Variants in GRIK2 observed in about 807,000 individuals in gnomAD.
GRIK2 encodes glutamate ionotropic receptor kainate type subunit 2, also known as glutamate receptor ionotropic, kainate 2.
GRIK2 carries 32 observed loss-of-function variants against 100.3 expected under a neutral mutation model. That is an observed-to-expected ratio of 0.32 (90% CI 0.24 to 0.43). GRIK2 has a LOEUF of 0.43. GRIK2 is among the 20% of genes least tolerant of loss of function. The pLI, the probability that GRIK2 is intolerant of heterozygous loss-of-function variation, is 1.00. For missense variants in GRIK2, 843 were observed against 1,114.9 expected (o/e 0.76, Z 3.47); for synonymous variants, 417 against 389.4 (o/e 1.07, Z -0.83).
At chr6:102,005,010 T>TAATA (rs935290167) in intron 14 of GRIK2, among the ~76,000 whole-genome samples, 13 of 151,972 alleles carry the variant, frequency 8.6e-5, no homozygotes, top group African/African-American at 3.1e-4. Flanking sequence ...CTATATTTAT[T>TAATA]AATACTCTTG....
chr6:101,912,369 A>G lies in GRIK2; in HGVS notation c.1749-12232A>G, dbSNP rs545082817. Among the ~76,000 whole-genome samples the G allele has an allele frequency of 4.6e-5, 7 of 151,614 alleles. 1 individual carries two copies. The highest frequency in any genetic ancestry group is 4.1e-4 in the South Asian group (2 of 4,824). On this transcript the variant is annotated intron_variant, in intron 12 of 16. Coordinates refer to ENST00000369134, the MANE Select transcript of GRIK2 (RefSeq NM_021956.5). ...TTTTAGCTCCCACTACTTAGCATTAATAAGTGTGAAAGGGATTCCCAGTCT... is the reference window on the plus strand; with the variant it reads ...TTTTAGCTCCCACTACTTAGCATTAGTAAGTGTGAAAGGGATTCCCAGTCT...
intron 7 of GRIK2, among the ~76,000 whole-genome samples, chr6:101,735,054 G>T (rs939541629): frequency 6.6e-6 from 1 of 152,150 alleles, no homozygotes; most frequent in Non-Finnish European, 1.5e-5. Context: ...TATTTGTAGT[G>T]TGTGATTTAC....
chr6:102,064,709 T>C (rs1771931126), intron 16 of GRIK2, among the ~76,000 whole-genome samples: 1 of 151,196 alleles, frequency 6.6e-6, no homozygotes, highest in African/African-American at 2.4e-5. Flanking sequence ...AGGGAAACAA[T>C]TATATTTCAC....
rs565803735 is a variant in GRIK2, at chr6:102,023,982, G to A, written c.2086-11359G>A. Among the ~76,000 whole-genome samples the A allele has an allele frequency of 2.6e-5, 4 of 151,210 alleles. No homozygotes were observed. In the South Asian group the frequency reaches 8.3e-4, roughly 32 times the overall value. On this transcript the variant is annotated intron_variant, in intron 14 of 16. Transcript: ENST00000369134. ...TCCAGTGGGATTGGAAAATATTACC[G>A]GTAAAGAAACTGAATAAACAAAGTG...
At chr6:101,794,229 A>G (rs1027507244) in intron 7 of GRIK2, among the ~76,000 whole-genome samples, 2 of 152,080 alleles carry the variant, frequency 1.3e-5, no homozygotes, top group African/African-American at 4.8e-5. Flanking sequence ...TTCTGTGCCC[A>G]CTGTCTGGCA....
In GRIK2 at chr6:101,760,440, AT is replaced by A. The variant is rs1432024769; in HGVS notation, c.952-39205del. On this transcript the variant is annotated intron_variant, in intron 7 of 16. Transcript: ENST00000369134. ...TATAATTAATTATATTTAATTATAT[AT>A]TTATTATATATAATTAATTATATTT... Among the ~76,000 whole-genome samples the A allele has an allele frequency of 1.9e-3, 20 of 10,740 alleles. 1 individual carries two copies. Among genetic ancestry groups the A allele is most frequent in the African/African-American group, 0.012 (17 of 1,390 alleles). 7.0% of individuals were successfully genotyped at this position (10,740 alleles called of 152,430 possible). A position where few individuals can be genotyped will look rare whatever the true frequency, so the allele number is the denominator to read the frequency against.
At chr6:101,509,066 G>T (rs1228803660) in intron 2 of GRIK2, among the ~76,000 whole-genome samples, 1 of 150,624 alleles carries the variant, frequency 6.6e-6, no homozygotes, top group Admixed American at 6.7e-5. Context: ...GCTGAGTCAG[G>T]AGAATGGCGT....
intron 7 of GRIK2, among the ~76,000 whole-genome samples, chr6:101,769,201 GA>G (rs890091113): frequency 2.0e-5 from 3 of 151,676 alleles, no homozygotes; most frequent in Admixed American, 6.6e-5. Flanking sequence ...GTTTTCCTTG[GA>G]AAAAAAAGTA....
chr6:101,907,401 AG>A (rs1788305653), intron 12 of GRIK2, among the ~76,000 whole-genome samples: 1 of 146,946 alleles, frequency 6.8e-6, no homozygotes, highest in Non-Finnish European at 1.5e-5. Context: ...GAAAAAAAAA[AG>A]CTGAGCATAT....
At chr6:101,587,727 G>A (rs1251882106) in intron 2 of GRIK2, among the ~76,000 whole-genome samples, 1 of 152,226 alleles carries the variant, frequency 6.6e-6, no homozygotes, top group South Asian at 2.1e-4. Flanking sequence ...TCTTCAAACT[G>A]CTGAGAAGAG....
intron 14 of GRIK2, among the ~76,000 whole-genome samples, chr6:102,034,729 A>G (rs1438244747): frequency 1.3e-5 from 2 of 151,452 alleles, no homozygotes; most frequent in Admixed American, 1.3e-4. Context: ...GTCCAGCTTA[A>G]AGAAGTACTG....
chr6:101,986,678 G>GTAT (rs1256337612), intron 14 of GRIK2, among the ~76,000 whole-genome samples: 3 of 151,842 alleles, frequency 2.0e-5, no homozygotes, highest in African/African-American at 7.2e-5. Context: ...CTGTGGAAGA[G>GTAT]TATTATGTCT....
intron 10 of GRIK2, among the ~76,000 whole-genome samples, chr6:101,821,222 T>G (rs1781929580): frequency 1.3e-5 from 2 of 152,168 alleles, no homozygotes; most frequent in Admixed American, 1.3e-4. Flanking sequence ...CTTGCTTCAG[T>G]ATTCAGTGTT....
chr6:101,991,481 GT>G (rs1794375486), intron 14 of GRIK2, among the ~76,000 whole-genome samples: 1 of 150,398 alleles, frequency 6.6e-6, no homozygotes, highest in East Asian at 2.0e-4. Flanking sequence ...AGAAGTGTTT[GT>G]TGTATAGCTT....
intron 7 of GRIK2, among the ~76,000 whole-genome samples, chr6:101,762,168 G>GTCTCTGTC (rs765235888): frequency 2.7e-4 from 33 of 121,836 alleles, no homozygotes; most frequent in African/African-American, 1.0e-3. Context: ...CTCTGTCTCT[G>GTCTCTGTC]TCTCTCTCTC....
At chr6:101,974,684 G>A (rs1793260680) in intron 14 of GRIK2, among the ~76,000 whole-genome samples, 1 of 151,824 alleles carries the variant, frequency 6.6e-6, no homozygotes, top group African/African-American at 2.4e-5. Context: ...CATCATCAAG[G>A]ACAATCTCCT....
chr6:101,849,478 C>G (rs1249896689), intron 10 of GRIK2, among the ~76,000 whole-genome samples: 1 of 152,034 alleles, frequency 6.6e-6, no homozygotes, highest in East Asian at 1.9e-4. Context: ...AACTCACCTT[C>G]CTGAAAAGCA....
At chr6:101,603,076 A>G (rs533621676) in intron 2 of GRIK2, among the ~76,000 whole-genome samples, 3 of 151,814 alleles carry the variant, frequency 2.0e-5, no homozygotes, top group South Asian at 2.1e-4. Flanking sequence ...TTAATATATA[A>G]TCTTCCTTTG....
intron 14 of GRIK2, among the ~76,000 whole-genome samples, chr6:101,937,269 C>T (rs1028361437): frequency 6.6e-6 from 1 of 152,122 alleles, no homozygotes; most frequent in African/African-American, 2.4e-5. Context: ...TGTCCTCCCT[C>T]CTTTACTCTG....
Sources: allele counts gnomAD v4.1 joint callset (sites outside exome capture counted in the v4.1 genomes callset), GRCh38; gene constraint gnomAD v4.1.1; transcripts MANE v1.5; gene names NCBI Gene and HGNC (gene_info 2026-07-23, HGNC 2026-07-21).